The following DGKB variants were observed in gnomAD, a reference collection of about 807,000 sequenced individuals.
DGKB encodes the protein diacylglycerol kinase beta.
In DGKB, 67 loss-of-function variants were observed where a neutral mutation model predicts 114.3. The ratio of observed to expected loss-of-function variants is 0.59; its 90% CI spans 0.48 to 0.72. DGKB has a LOEUF of 0.72. Among genes scored for constraint, DGKB ranks in the 30% least tolerant of loss-of-function variants. DGKB has a pLI of 0.00. For missense variants in DGKB, 907 were observed against 975.2 expected, an observed-to-expected ratio of 0.93 and a Z score of 0.93; for synonymous variants, 398 against 323.1, an observed-to-expected ratio of 1.23 and a Z score of -2.49.
chr7:14,405,331 G>A (rs1450377643), intron 21 of DGKB, among the ~76,000 whole-genome samples: 2 of 151,976 alleles, frequency 1.3e-5, no homozygotes, highest in South Asian at 2.1e-4. Flanking sequence ...AATCTACCAT[G>A]TTATTAGCTT....
intron 23 of DGKB, among the ~76,000 whole-genome samples, chr7:14,183,342 C>A (rs1782915945): frequency 6.6e-6 from 1 of 152,120 alleles, no homozygotes; most frequent in South Asian, 2.1e-4. Context: ...TTTTTCCTGA[C>A]CTACATAACC....
chr7:14,296,157 G>C (rs1333538628), intron 23 of DGKB, among the ~76,000 whole-genome samples: 3 of 151,534 alleles, frequency 2.0e-5, no homozygotes, highest in East Asian at 2.0e-4. Context: ...TCAGACTCCT[G>C]AGTAGCTGGG....
chr7:14,387,230 T>C (rs1820520212), intron 21 of DGKB, among the ~76,000 whole-genome samples: 1 of 151,844 alleles, frequency 6.6e-6, no homozygotes, highest in Admixed American at 6.6e-5. Flanking sequence ...GAGACAAGCC[T>C]GGCCAACATG....
chr7:14,673,067 G>T, intron 12 of DGKB, 40 bp from the exon 13 acceptor site: 2 of 1,173,662 alleles, frequency 1.7e-6, no homozygotes, highest in South Asian at 2.6e-5. Context: ...AATTCTACAT[G>T]ACAACGCCTA....
At chr7:14,833,368 A>C (rs1846684417) in intron 2 of DGKB, among the ~76,000 whole-genome samples, 2 of 149,200 alleles carry the variant, frequency 1.3e-5, no homozygotes, top group East Asian at 4.0e-4. Context: ...GAAGATATTG[A>C]TTTATGTTTA....
At chr7:14,422,776 C>A (rs1330073831) in intron 21 of DGKB, among the ~76,000 whole-genome samples, 1 of 151,678 alleles carries the variant, frequency 6.6e-6, no homozygotes, top group Non-Finnish European at 1.5e-5. Flanking sequence ...AGATTTTTCA[C>A]AATATAATGA....
intron 21 of DGKB, among the ~76,000 whole-genome samples, chr7:14,374,699 C>A (rs370308228): frequency 2.6e-5 from 4 of 152,184 alleles, no homozygotes; most frequent in Non-Finnish European, 5.9e-5. Flanking sequence ...AAAGAACTCT[C>A]TTGCCGTACA....
chr7:14,904,276 C>T (rs530012177), upstream of DGKB, among the ~76,000 whole-genome samples: 17 of 152,190 alleles, frequency 1.1e-4, no homozygotes, highest in Non-Finnish European at 2.2e-4. Flanking sequence ...CACTTTCAGC[C>T]TCCAGTTGTC....
chr7:14,325,402 C>G (rs78237246), intron 23 of DGKB, among the ~76,000 whole-genome samples: 1 of 152,032 alleles, frequency 6.6e-6, no homozygotes, highest in African/African-American at 2.4e-5. Flanking sequence ...CAAGAAAATA[C>G]GATATTCCAC....
chr7:14,640,039 A>C (rs1811452787), intron 13 of DGKB, among the ~76,000 whole-genome samples: 1 of 152,218 alleles, frequency 6.6e-6, no homozygotes. Flanking sequence ...ATGCAAATAC[A>C]GGAAATAGAA....
At chr7:14,720,450 G>A (rs1828950986) in intron 5 of DGKB, among the ~76,000 whole-genome samples, 1 of 151,398 alleles carries the variant, frequency 6.6e-6, no homozygotes, top group Admixed American at 6.6e-5. Flanking sequence ...GATTACTGGT[G>A]CGGGACACCA....
chr7:14,391,417 T>C (rs2128707542), intron 21 of DGKB, among the ~76,000 whole-genome samples: 1 of 152,050 alleles, frequency 6.6e-6, no homozygotes, highest in South Asian at 2.1e-4. Context: ...ACATGGTGGC[T>C]TATGCCTGTA....
intron 20 of DGKB, among the ~76,000 whole-genome samples, chr7:14,536,037 C>T (rs1792437435): frequency 6.6e-6 from 1 of 152,000 alleles, no homozygotes; most frequent in African/African-American, 2.4e-5. Context: ...CAATTATATG[C>T]TAACAAATTG....
rs73287436 is a variant in DGKB at position 14,894,692 on chromosome 7, G to A, written c.-188+7900C>T. 2.6e-3 allele frequency among the ~76,000 whole-genome samples: 389 copies of A among 151,516 alleles called. 2 individuals carry two copies. The highest frequency in any genetic ancestry group is 8.7e-3 in the African/African-American group (361 of 41,454). ...GCCTAAGCACCAAATGTACCACCAT[G>A]CAGTTATGCAGGTACCTTGGACAAA... On this transcript the variant is annotated intron_variant, in intron 1 of 25. Transcript: ENST00000402815.
At position 14,178,101 on chromosome 7, in the gene DGKB, T is replaced by A. The variant is rs1284921519; in HGVS notation, c.2173A>T (p.Met725Leu). Reference sequence around the variant, plus strand: ...TTCAGGCCTGTGTATATTTGCCCCATCTCCATGGCTCCTTCCAAGCCGACC... The same window carrying A: ...TTCAGGCCTGTGTATATTTGCCCCAACTCCATGGCTCCTTCCAAGCCGACC... ...EVVGLEGAME[M>L]GQIYTGLKSA... The change falls in exon 24 of 26, where the codon ATG becomes TTG. Residue 725 changes from methionine to leucine, a missense_variant. Met to Leu is a conservative substitution (Grantham distance 15, BLOSUM62 2). Around this residue, in one of 3 missense-constraint regions of DGKB, gnomAD observed 35 missense variants for 66.0 expected, o/e 0.53. Coordinates refer to ENST00000402815, the MANE Select transcript of DGKB (RefSeq NM_001350709.2). 3.1e-6 allele frequency: 5 copies of A among 1,612,508 alleles called. No individual in the cohort carries two copies. Among genetic ancestry groups the A allele is most frequent in the Non-Finnish European group, 4.2e-6 (5 of 1,179,470 alleles).
intron 25 of DGKB, among the ~76,000 whole-genome samples, chr7:14,159,323 G>C (rs1470989329): frequency 2.0e-5 from 3 of 151,880 alleles, no homozygotes; most frequent in Admixed American, 2.0e-4. Context: ...TCCTCTTTTA[G>C]TTTTCAGGTC....
chr7:14,752,192 G>A (rs1005259924), intron 4 of DGKB, among the ~76,000 whole-genome samples: 1 of 152,022 alleles, frequency 6.6e-6, no homozygotes, highest in Admixed American at 6.6e-5. Context: ...GTTCTAGAAG[G>A]ATAATTATAG....
intron 1 of DGKB, among the ~76,000 whole-genome samples, chr7:14,946,037 A>T (rs1785855841): frequency 6.6e-6 from 1 of 151,364 alleles, no homozygotes; most frequent in South Asian, 2.1e-4. Context: ...AATATATATT[A>T]AACATCTAAT....
intron 1 of DGKB, among the ~76,000 whole-genome samples, chr7:14,957,685 G>A (rs975141651): frequency 6.6e-6 from 1 of 151,962 alleles, no homozygotes. Flanking sequence ...GTGTAACCAT[G>A]CCTATGTCTA....
Sources: allele counts gnomAD v4.1 joint callset (sites outside exome capture counted in the v4.1 genomes callset), GRCh38; gene constraint gnomAD v4.1.1; regional missense constraint gnomAD v4.1.1; transcripts MANE v1.5; gene names NCBI Gene and HGNC (gene_info 2026-07-23, HGNC 2026-07-21).